Variants in NRXN1 observed in about 807,000 individuals in gnomAD.
NRXN1 encodes neurexin 1, also known as neurexin-1.
NRXN1 carries 39 observed loss-of-function variants against 150.9 expected under a neutral mutation model. That is an observed-to-expected ratio of 0.26 (90% CI 0.20 to 0.34). NRXN1 has a LOEUF of 0.34. Ranked by LOEUF, NRXN1 falls within the 10% of genes least tolerant of loss-of-function variation. The pLI is 1.00. For synonymous variants in NRXN1, 924 were observed against 757.0 expected, an observed-to-expected ratio of 1.22 and a Z score of -3.62; for missense variants, 1,815 against 1,949.9, an observed-to-expected ratio of 0.93 and a Z score of 1.30.
chr2:50,447,068 T>G (rs1349509534), intron 17 of NRXN1, among the ~76,000 whole-genome samples: 1 of 152,162 alleles, frequency 6.6e-6, no homozygotes, highest in East Asian at 1.9e-4. Context: ...TGTCATGTAG[T>G]GAGTAGAATG....
chr2:50,818,742 G>A (rs968607852), intron 5 of NRXN1, among the ~76,000 whole-genome samples: 1 of 152,052 alleles, frequency 6.6e-6, no homozygotes, highest in Non-Finnish European at 1.5e-5. Flanking sequence ...TCTATGGAAT[G>A]AGAGAAAATA....
At chr2:50,798,150 T>G (rs2105665509) in intron 5 of NRXN1, among the ~76,000 whole-genome samples, 1 of 152,192 alleles carries the variant, frequency 6.6e-6, no homozygotes, top group African/African-American at 2.4e-5. Context: ...AAGGAGAATA[T>G]GGGGGAAATT....
intron 9 of NRXN1, among the ~76,000 whole-genome samples, chr2:50,550,383 T>G (rs1667266649): frequency 6.6e-6 from 1 of 152,094 alleles, no homozygotes; most frequent in Non-Finnish European, 1.5e-5. Context: ...CATGTTTTGT[T>G]TTAAAGTGCT....
chr2:50,029,728 G>A (rs1040945158), intron 21 of NRXN1, among the ~76,000 whole-genome samples: 1 of 152,062 alleles, frequency 6.6e-6, no homozygotes, highest in African/African-American at 2.4e-5. Flanking sequence ...AGTCTGTGGT[G>A]GCCCAAGCAG....
intron 5 of NRXN1, among the ~76,000 whole-genome samples, chr2:50,765,575 G>A (rs1181804739): frequency 6.6e-6 from 1 of 152,018 alleles, no homozygotes; most frequent in African/African-American, 2.4e-5. Context: ...CAGGGACAGG[G>A]AAACTGAAGA....
At chr2:50,663,254 C>A (rs1687568237) in intron 5 of NRXN1, among the ~76,000 whole-genome samples, 1 of 152,018 alleles carries the variant, frequency 6.6e-6, no homozygotes, top group African/African-American at 2.4e-5. Context: ...AGAAAATCAC[C>A]TTGTTCCTTC....
intron 5 of NRXN1, among the ~76,000 whole-genome samples, chr2:50,687,873 A>C (rs888006812): frequency 6.6e-6 from 1 of 152,144 alleles, no homozygotes; most frequent in Non-Finnish European, 1.5e-5. Flanking sequence ...TCTGGTAGGG[A>C]AACACTCAAG....
intron 18 of NRXN1, among the ~76,000 whole-genome samples, chr2:50,130,590 C>T (rs1705321701): frequency 6.6e-6 from 1 of 152,116 alleles, no homozygotes; most frequent in African/African-American, 2.4e-5. Flanking sequence ...CTATATTCTG[C>T]CTCTATTGGA....
intron 18 of NRXN1, among the ~76,000 whole-genome samples, chr2:50,156,610 C>A (rs2059036267): frequency 2.0e-5 from 3 of 151,626 alleles, no homozygotes; most frequent in South Asian, 2.1e-4. Context: ...AAGCAGACAA[C>A]CAAATAATAG....
At chr2:50,111,602 G>GAA (rs1702387132) in intron 18 of NRXN1, among the ~76,000 whole-genome samples, 3 of 151,664 alleles carry the variant, frequency 2.0e-5, no homozygotes, top group Non-Finnish European at 4.4e-5. Context: ...TCGCCCCACT[G>GAA]AATTCCAGCC....
At chr2:49,973,665 A>T (rs1290550780) in intron 21 of NRXN1, 1 of 376,964 alleles carries the variant, frequency 2.7e-6, no homozygotes, top group Non-Finnish European at 4.8e-6. Flanking sequence ...TGTTTTTGCC[A>T]CAAGCATGCT....
At chr2:50,008,994 C>A (rs1685212086) in intron 21 of NRXN1, among the ~76,000 whole-genome samples, 1 of 152,044 alleles carries the variant, frequency 6.6e-6, no homozygotes, top group Admixed American at 6.6e-5. Flanking sequence ...GGTAACAAAT[C>A]CTGAGAGTCA....
chr2:50,445,455 G>A (rs1025401520), intron 17 of NRXN1, among the ~76,000 whole-genome samples: 13 of 152,150 alleles, frequency 8.5e-5, no homozygotes, highest in African/African-American at 3.1e-4. Context: ...CAAGGAGGCT[G>A]TGTCCAATCT....
chr2:50,671,635 T>C (rs999207934), intron 5 of NRXN1, among the ~76,000 whole-genome samples: 2 of 151,746 alleles, frequency 1.3e-5, no homozygotes, highest in African/African-American at 4.8e-5. Flanking sequence ...TAAGAAAGCA[T>C]GCTGGCCTTG....
intron 12 of NRXN1, among the ~76,000 whole-genome samples, chr2:50,514,600 G>A (rs1043395895): frequency 1.3e-5 from 2 of 152,092 alleles, no homozygotes; most frequent in Admixed American, 6.5e-5. Context: ...TGACTTTGCC[G>A]ACCATGTGTT....
intron 18 of NRXN1, among the ~76,000 whole-genome samples, chr2:50,188,409 C>G (rs1213492617): frequency 6.6e-6 from 1 of 152,078 alleles, no homozygotes; most frequent in African/African-American, 2.4e-5. Context: ...AGACCTAAAA[C>G]CATAAAAACC....
chr2:50,535,213 C>T (rs1483583054), intron 10 of NRXN1, among the ~76,000 whole-genome samples: 1 of 152,206 alleles, frequency 6.6e-6, no homozygotes, highest in Non-Finnish European at 1.5e-5. Flanking sequence ...CATCCTTGAA[C>T]ACTAGTAAAA....
At chr2:50,655,042 T>C (rs1351910626) in intron 5 of NRXN1, among the ~76,000 whole-genome samples, 2 of 151,980 alleles carry the variant, frequency 1.3e-5, no homozygotes, top group African/African-American at 4.8e-5. Context: ...CAGATCTTGA[T>C]GTAAAATAGA....
At chr2:50,219,962 ATTAT>A (rs2063724095) in intron 18 of NRXN1, among the ~76,000 whole-genome samples, 1 of 74,474 alleles carries the variant, frequency 1.3e-5, no homozygotes, top group African/African-American at 9.2e-5. Context: ...TAATATATAT[ATTAT>A]ATATATATAA....
Sources: allele counts gnomAD v4.1 joint callset (sites outside exome capture counted in the v4.1 genomes callset), GRCh38; gene constraint gnomAD v4.1.1; transcripts MANE v1.5; gene names NCBI Gene and HGNC (gene_info 2026-07-23, HGNC 2026-07-21).